The following SLC14A2 variants were observed in gnomAD, a reference collection of about 807,000 sequenced individuals.
SLC14A2 encodes urea transporter 2.
Under a neutral mutation model 104.6 loss-of-function variants are expected in SLC14A2, and 91 were observed. That is an observed-to-expected ratio of 0.87 (90% CI 0.73 to 1.04). The LOEUF (loss-of-function observed/expected upper bound fraction) is 1.04. Ranked by LOEUF, SLC14A2 falls within the 50% of genes least tolerant of loss-of-function variation. The pLI is 0.00. For missense variants in SLC14A2, 1,189 were observed against 1,156.0 expected, an observed-to-expected ratio of 1.03 and a Z score of -0.41; for synonymous variants, 476 against 466.4, an observed-to-expected ratio of 1.02 and a Z score of -0.27.
intron 11 of SLC14A2, among the ~76,000 whole-genome samples, chr18:45,665,413 T>C (rs958655552): frequency 2.0e-5 from 3 of 152,162 alleles, no homozygotes; most frequent in African/African-American, 7.2e-5. Context: ...ATAATAAAAA[T>C]GTTTAGATCC....
intron 2 of SLC14A2, among the ~76,000 whole-genome samples, chr18:45,502,307 C>T (rs765428841): frequency 2.0e-5 from 3 of 152,170 alleles, no homozygotes; most frequent in Non-Finnish European, 2.9e-5. Context: ...TCATCTTGAA[C>T]TAAAGTTAAT....
At chr18:45,431,472 T>TA (rs2086513960) in intron 1 of SLC14A2, among the ~76,000 whole-genome samples, 2 of 152,160 alleles carry the variant, frequency 1.3e-5, no homozygotes, top group Admixed American at 6.5e-5. Flanking sequence ...ATTATTTTTT[T>TA]AAAAAACTAC....
At chr18:45,546,625 A>G (rs1352662482) in intron 2 of SLC14A2, among the ~76,000 whole-genome samples, 1 of 152,240 alleles carries the variant, frequency 6.6e-6, no homozygotes, top group Non-Finnish European at 1.5e-5. Flanking sequence ...AGAGCTTAAT[A>G]GTCAAAGGAT....
At chr18:45,374,774 C>T (rs2085756988) in intron 1 of SLC14A2, among the ~76,000 whole-genome samples, 1 of 152,188 alleles carries the variant, frequency 6.6e-6, no homozygotes, top group Non-Finnish European at 1.5e-5. Flanking sequence ...AGCTGAACTC[C>T]TTTTGCTCAT....
chr18:45,183,659 CT>C, the SLC14A2 span, among the ~76,000 whole-genome samples: 1 of 133,260 alleles, frequency 7.5e-6, no homozygotes, highest in Admixed American at 7.4e-5. Flanking sequence ...CTTTCTTTTT[CT>C]TTTTTTCTGT....
intron 2 of SLC14A2, among the ~76,000 whole-genome samples, chr18:45,539,071 G>A (rs2043844535): frequency 6.6e-6 from 1 of 151,554 alleles, no homozygotes; most frequent in African/African-American, 2.4e-5. Flanking sequence ...TAGAGAAGCA[G>A]TCAAGTAAAA....
Position 45,554,968 on chromosome 18 carries a change from A to G in SLC14A2, c.-34-69663A>G, listed in dbSNP as rs192846849. Among the ~76,000 whole-genome samples, 436 of 152,356 alleles carry G rather than the reference A, an allele frequency of 2.9e-3. 2 individuals are homozygous for G. Among genetic ancestry groups the G allele is most frequent in the African/African-American group, 0.01 (417 of 41,576 alleles). The stretch of plus-strand genomic sequence containing the variant: ...CCAAAATTCTACCACTCAGTCCTTT[A>G]GTCAGAGAGTTCCTTCCCTTGAGAT... On this transcript the variant is annotated intron_variant, in intron 2 of 20. Coordinates refer to the SLC14A2 transcript ENST00000586448.
At chr18:45,434,189 CAG>C (rs1483767607) in intron 1 of SLC14A2, among the ~76,000 whole-genome samples, 1 of 152,132 alleles carries the variant, frequency 6.6e-6, no homozygotes, top group Non-Finnish European at 1.5e-5. Context: ...CATGAACCCT[CAG>C]AGGCAGACAC....
chr18:45,402,348 G>A (rs1441111796), intron 1 of SLC14A2, among the ~76,000 whole-genome samples: 6 of 152,186 alleles, frequency 3.9e-5, no homozygotes, highest in East Asian at 1.9e-4. Context: ...CAGCCAGTTC[G>A]CCGATAATAG....
chr18:45,294,732 G>A (rs2084903429), intron 1 of SLC14A2, among the ~76,000 whole-genome samples: 1 of 152,326 alleles, frequency 6.6e-6, no homozygotes, highest in Non-Finnish European at 1.5e-5. Flanking sequence ...CCGCACAGTG[G>A]CATCTTACAA....
At chr18:45,324,235 A>G (rs2085212616) in intron 1 of SLC14A2, among the ~76,000 whole-genome samples, 1 of 152,194 alleles carries the variant, frequency 6.6e-6, no homozygotes, top group African/African-American at 2.4e-5. Context: ...CAGTGGATCC[A>G]GAATGTCCCT....
chr18:45,677,679 T>C (rs1173327391), intron 18 of SLC14A2, among the ~76,000 whole-genome samples: 1 of 152,240 alleles, frequency 6.6e-6, no homozygotes, highest in Non-Finnish European at 1.5e-5. Context: ...TAATGAGGAT[T>C]CAGCAAACAC....
At chr18:45,266,559 C>A (rs1444477313) in intron 1 of SLC14A2, among the ~76,000 whole-genome samples, 2 of 151,996 alleles carry the variant, frequency 1.3e-5, no homozygotes, top group Admixed American at 1.3e-4. Flanking sequence ...ATGGAAAATT[C>A]AACCTAAACT....
chr18:45,378,148 T>C (rs1468837881), intron 1 of SLC14A2, among the ~76,000 whole-genome samples: 1 of 152,234 alleles, frequency 6.6e-6, no homozygotes, highest in Non-Finnish European at 1.5e-5. Context: ...ATCTATGGGC[T>C]CCAAACTACA....
chr18:45,501,363 A>G (rs571771993), intron 2 of SLC14A2, among the ~76,000 whole-genome samples: 98 of 152,364 alleles, frequency 6.4e-4, no homozygotes, highest in African/African-American at 2.3e-3. Context: ...CCAACCTGAG[A>G]CTTGAATCGT....
chr18:45,352,584 C>A (rs922788489), intron 1 of SLC14A2, among the ~76,000 whole-genome samples: 1 of 152,082 alleles, frequency 6.6e-6, no homozygotes, highest in Non-Finnish European at 1.5e-5. Flanking sequence ...TTGATCCTTG[C>A]CCCTGTAGAG....
upstream of SLC14A2, chr18:45,615,048 C>T (rs1171545782): frequency 6.6e-6 from 1 of 152,324 alleles, no homozygotes; most frequent in African/African-American, 2.4e-5. Context: ...CCACCCGACT[C>T]GGCCTCTCAA....
intron 1 of SLC14A2, among the ~76,000 whole-genome samples, chr18:45,403,865 G>A (rs192765072): frequency 2.6e-5 from 4 of 152,186 alleles, no homozygotes; most frequent in East Asian, 1.9e-4. Context: ...CTCATCACCC[G>A]TAAGATAAAG....
intron 11 of SLC14A2, 136 bp from the exon 12 acceptor site, chr18:45,666,001 A>G: frequency 4.8e-6 from 3 of 630,892 alleles, no homozygotes; most frequent in Non-Finnish European, 8.6e-6. Context: ...GCAAGGCCCC[A>G]TGATTCTGTG....
Sources: gnomAD v4.1 joint callset for allele counts (sites outside exome capture counted in the v4.1 genomes callset) on GRCh38, gnomAD v4.1.1 for gene constraint, MANE v1.5 for transcripts, NCBI Gene and HGNC (gene_info 2026-07-23, HGNC 2026-07-21) for gene names.